GABRB1: variants seen among roughly 807,000 people sequenced by gnomAD.
GABRB1 encodes gamma-aminobutyric acid receptor subunit beta-1.
A neutral mutation model predicts 51.6 loss-of-function variants in GABRB1; 17 were observed. The observed-to-expected ratio is 0.33, with a 90% CI of 0.23 to 0.49. GABRB1 has a LOEUF of 0.49. GABRB1 is among the 20% of genes least tolerant of loss of function. The probability of loss-of-function intolerance (pLI) is 0.99; values close to 1 mark genes in which losing one functional copy is unlikely to be tolerated. For missense variants in GABRB1, 410 were observed against 600.6 expected (o/e 0.68, Z 3.32); for synonymous variants, 247 against 218.9 (o/e 1.13, Z -1.14).
intron 4 of GABRB1, among the ~76,000 whole-genome samples, chr4:47,262,455 A>C (rs1418782584): frequency 6.6e-6 from 1 of 152,230 alleles, no homozygotes; most frequent in Non-Finnish European, 1.5e-5. Flanking sequence ...GCTCATCATC[A>C]CTGGCCATCA....
rs372962814 is a variant in GABRB1, at chr4:47,327,534, T to C, written c.544+7325T>C. On this transcript the variant is annotated intron_variant, in intron 5 of 8. Transcript: ENST00000295454. ...CATAAGGCATTAACTATGTTCTTCC[T>C]ACTTACACTATGACCAAGTTTTCAG... Among the ~76,000 whole-genome samples the C allele has an allele frequency of 7.9e-5, 12 of 152,362 alleles. No homozygotes were observed. The South Asian group carries it at 2.3e-3, about 29-fold the overall frequency.
intron 1 of GABRB1, among the ~76,000 whole-genome samples, chr4:46,994,803 A>G (rs892733236): frequency 6.6e-6 from 1 of 152,188 alleles, no homozygotes; most frequent in Admixed American, 6.5e-5. Context: ...GGAACCAAAC[A>G]CCAATTAGGT....
At chr4:47,092,904 C>T (rs967375397) in intron 3 of GABRB1, among the ~76,000 whole-genome samples, 15 of 152,252 alleles carry the variant, frequency 9.9e-5, no homozygotes, top group East Asian at 5.8e-4. Flanking sequence ...TGAGCCACTG[C>T]GTCCCGCCGG....
rs548748283 is a variant in GABRB1 at position 47,403,770 on chromosome 4, A to G, written c.835+59A>G. On this transcript the variant is annotated intron_variant, in intron 7 of 8. Coordinates refer to ENST00000295454, the MANE Select transcript of GABRB1 (RefSeq NM_000812.4). The stretch of plus-strand genomic sequence containing the variant: ...GATTTTACTTTCAAACAAATAACCA[A>G]TATCAGGAATTATAGGCAAGGGCTC... The G allele has an allele frequency of 5.7e-5, 89 of 1,551,700 alleles. No individual in the cohort carries two copies. In the South Asian group the frequency reaches 6.5e-4, roughly 11 times the overall value.
At chr4:46,994,811 G>A (rs1043766976) in intron 1 of GABRB1, among the ~76,000 whole-genome samples, 1 of 152,202 alleles carries the variant, frequency 6.6e-6, no homozygotes, top group African/African-American at 2.4e-5. Context: ...ACACCAATTA[G>A]GTTCTAGTCG....
At chr4:47,175,250 G>A (rs1280080802) in intron 4 of GABRB1, among the ~76,000 whole-genome samples, 1 of 144,910 alleles carries the variant, frequency 6.9e-6, no homozygotes, top group Non-Finnish European at 1.5e-5. Flanking sequence ...TAGAAATGAG[G>A]TCTTCCTATG....
chr4:47,001,354 G>C (rs1283537727), intron 1 of GABRB1, among the ~76,000 whole-genome samples: 1 of 152,042 alleles, frequency 6.6e-6, no homozygotes, highest in African/African-American at 2.4e-5. Context: ...GTGTTAGCCA[G>C]GATGGTCTGA....
chr4:47,085,847 C>T (rs1728033231), intron 3 of GABRB1, among the ~76,000 whole-genome samples: 1 of 152,190 alleles, frequency 6.6e-6, no homozygotes, highest in South Asian at 2.1e-4. Flanking sequence ...GATGCTCTTT[C>T]CCCTCCACTG....
chr4:47,382,229 T>C (rs1027489288), intron 5 of GABRB1, among the ~76,000 whole-genome samples: 4 of 152,118 alleles, frequency 2.6e-5, no homozygotes, highest in African/African-American at 9.7e-5. Context: ...AATATTGACA[T>C]GTTGGGTGGA....
intron 4 of GABRB1, among the ~76,000 whole-genome samples, chr4:47,268,694 C>T (rs1407563262): frequency 6.6e-6 from 1 of 151,972 alleles, no homozygotes; most frequent in Non-Finnish European, 1.5e-5. Context: ...ATGAGAAAAG[C>T]CACATGGAAA....
chr4:47,183,341 T>C (rs1371783052), intron 4 of GABRB1, among the ~76,000 whole-genome samples: 5 of 81,766 alleles, frequency 6.1e-5, no homozygotes, highest in Admixed American at 5.6e-4. Context: ...TGTATGTGTG[T>C]GTGCATATAT....
At chr4:47,241,843 G>T (rs2078032020) in intron 4 of GABRB1, among the ~76,000 whole-genome samples, 1 of 151,556 alleles carries the variant, frequency 6.6e-6, no homozygotes, top group Non-Finnish European at 1.5e-5. Flanking sequence ...AATTTCATAG[G>T]CAAATTCATT....
intron 3 of GABRB1, among the ~76,000 whole-genome samples, chr4:47,093,509 T>C (rs1327780064): frequency 6.6e-6 from 1 of 152,196 alleles, no homozygotes; most frequent in Non-Finnish European, 1.5e-5. Flanking sequence ...GATACTTCCA[T>C]TTGCCAGAAT....
chr4:47,282,178 A>T (rs933196540), intron 4 of GABRB1, among the ~76,000 whole-genome samples: 9 of 152,218 alleles, frequency 5.9e-5, no homozygotes, highest in Admixed American at 5.2e-4. Context: ...TCAGTTAAAA[A>T]TTTTTAAAAA....
At chr4:47,096,011 T>G (rs939709451) in intron 3 of GABRB1, among the ~76,000 whole-genome samples, 1 of 152,220 alleles carries the variant, frequency 6.6e-6, no homozygotes, top group Non-Finnish European at 1.5e-5. Context: ...ATCTTCCTTC[T>G]ATTTTAAGGA....
chr4:47,425,655 C>T lies in GABRB1; in HGVS notation c.1081-19C>T, dbSNP rs1384894626. 1.9e-6 allele frequency: 3 copies of T among 1,568,612 alleles called. No individual in the cohort carries two copies. Among genetic ancestry groups the T allele is most frequent in the Non-Finnish European group, 2.6e-6 (3 of 1,154,866 alleles). ...AAGGTCCTGCAACTTGTGTCCGAGC[C>T]TGTTCTTTTTGCCATCAGGTCGACG... On this transcript the variant is annotated intron_variant, in intron 8 of 8. Coordinates refer to ENST00000295454, the MANE Select transcript of GABRB1 (RefSeq NM_000812.4).
chr4:47,102,059 C>A (rs1374403485), intron 3 of GABRB1, among the ~76,000 whole-genome samples: 2 of 151,916 alleles, frequency 1.3e-5, no homozygotes, highest in Non-Finnish European at 2.9e-5. Flanking sequence ...ACTTTAGAAA[C>A]TGAAAAATGA....
At chr4:47,037,187 C>A (rs947266541) in intron 3 of GABRB1, among the ~76,000 whole-genome samples, 2 of 152,192 alleles carry the variant, frequency 1.3e-5, no homozygotes, top group Non-Finnish European at 2.9e-5. Flanking sequence ...TACAGGGACA[C>A]CTATGCCTTT....
chr4:47,340,592 G>A (rs1307294662), intron 5 of GABRB1, among the ~76,000 whole-genome samples: 1 of 152,074 alleles, frequency 6.6e-6, no homozygotes, highest in Non-Finnish European at 1.5e-5. Context: ...GGGATTAGCT[G>A]GATCTCTGGG....
Sources: allele counts gnomAD v4.1 joint callset (sites outside exome capture counted in the v4.1 genomes callset), GRCh38; gene constraint gnomAD v4.1.1; transcripts MANE v1.5; gene names NCBI Gene and HGNC (gene_info 2026-07-23, HGNC 2026-07-21).